Variants in STAG1 observed in about 807,000 individuals in gnomAD.
STAG1 encodes STAG1 cohesin complex component.
Under a neutral mutation model 170.9 loss-of-function variants are expected in STAG1, and 26 were observed. That is an observed-to-expected ratio of 0.15 (90% CI 0.11 to 0.21). The LOEUF is 0.21. Among genes scored for constraint, STAG1 ranks in the 10% least tolerant of loss-of-function variants. STAG1 has a pLI of 1.00. For missense variants in STAG1, 964 were observed against 1,509.5 expected, an observed-to-expected ratio of 0.64 and a Z score of 5.99; for synonymous variants, 514 against 497.7, an observed-to-expected ratio of 1.03 and a Z score of -0.44.
At chr3:136,529,832 A>T (rs964373626) in intron 6 of STAG1, among the ~76,000 whole-genome samples, 39 of 152,378 alleles carry the variant, frequency 2.6e-4, no homozygotes, top group African/African-American at 8.7e-4. Context: ...AACAAATAAT[A>T]TTACAAAACA....
chr3:136,430,626 TAA>T (rs11311172), intron 16 of STAG1, among the ~76,000 whole-genome samples: 427 of 131,706 alleles, frequency 3.2e-3, no homozygotes, highest in Admixed American at 3.5e-3. Flanking sequence ...CTGAAGAGCT[TAA>T]AAAAAAAAAA....
chr3:136,581,148 G>T (rs1003946179), intron 4 of STAG1, among the ~76,000 whole-genome samples: 1 of 152,126 alleles, frequency 6.6e-6, no homozygotes, highest in East Asian at 1.9e-4. Flanking sequence ...AGCAAGCCCA[G>T]ACAAGAACAT....
chr3:136,366,829 C>A, intron 25 of STAG1, 114 bp downstream of exon 25: 1 of 757,124 alleles, frequency 1.3e-6, no homozygotes, highest in South Asian at 2.8e-5. Context: ...ATCATAAAAT[C>A]ATCCACATTA....
intron 3 of STAG1, among the ~76,000 whole-genome samples, chr3:136,622,327 A>G (rs558238175): frequency 1.4e-4 from 21 of 151,660 alleles, no homozygotes; most frequent in Admixed American, 5.3e-4. Flanking sequence ...GGTGGGGGGG[A>G]AAGAAGAAAC....
rs2089983647 is a variant in STAG1, at chr3:136,485,267, C to G, written c.903-7855G>C. ...AGTCAGGAGATCGAGAACATCCTGG[C>G]AAACATGGTGAAACACCATCTCTAC... On this transcript the variant is annotated intron_variant, in intron 9 of 33. Coordinates refer to ENST00000383202, the MANE Select transcript of STAG1 (RefSeq NM_005862.3). 3.9e-5 allele frequency among the ~76,000 whole-genome samples: 6 copies of G among 152,084 alleles called. No individual in the cohort carries two copies. In the South Asian group the frequency reaches 1.2e-3, roughly 32 times the overall value.
intron 21 of STAG1, among the ~76,000 whole-genome samples, chr3:136,402,065 T>G (rs370701036): frequency 1.3e-5 from 2 of 152,222 alleles, no homozygotes; most frequent in East Asian, 3.9e-4. Flanking sequence ...ATGTAATCAG[T>G]AAATTTATCT....
intron 4 of STAG1, among the ~76,000 whole-genome samples, chr3:136,585,507 G>A (rs1340023073): frequency 6.6e-6 from 1 of 152,060 alleles, no homozygotes; most frequent in Non-Finnish European, 1.5e-5. Flanking sequence ...CAGCCACTAA[G>A]GAGGTTGAGA....
At chr3:136,511,460 G>T (rs1331532900) in intron 7 of STAG1, among the ~76,000 whole-genome samples, 1 of 152,204 alleles carries the variant, frequency 6.6e-6, no homozygotes, top group Non-Finnish European at 1.5e-5. Flanking sequence ...GGAAGGCTTT[G>T]CAGCCATAAA....
chr3:136,470,854 A>G (rs1176350793), intron 12 of STAG1, among the ~76,000 whole-genome samples: 1 of 152,066 alleles, frequency 6.6e-6, no homozygotes. Context: ...GAAGCTGGAA[A>G]CCATCATTCT....
intron 22 of STAG1, among the ~76,000 whole-genome samples, chr3:136,393,590 C>CT (rs774648941): frequency 0.043 from 5,649 of 130,128 alleles, 197 homozygotes; most frequent in Non-Finnish European, 0.058. Flanking sequence ...TACGCTTCAT[C>CT]TTTTTTTTTT....
intron 1 of STAG1, among the ~76,000 whole-genome samples, chr3:136,713,996 C>A (rs753805509): frequency 7.9e-5 from 12 of 152,028 alleles, no homozygotes; most frequent in Non-Finnish European, 1.5e-4. Flanking sequence ...TGCACTCCAG[C>A]CTGGGCAACA....
In STAG1 at chr3:136,481,956, T is replaced by G. The variant is rs1229103679; in HGVS notation, c.903-4544A>C. Among the ~76,000 whole-genome samples the G allele has an allele frequency of 3.5e-5, 2 of 56,878 alleles. 1 individual carries two copies. The highest frequency in any genetic ancestry group is 7.6e-5 in the Non-Finnish European group (2 of 26,220). 37.3% of individuals were successfully genotyped at this position (56,878 alleles called of 152,430 possible). Reference sequence around the variant, plus strand: ...CTTTATCATTTTTTATTGCGTCTATTTGATTCTTCTCTTTTTTCTTTATTA... The same window carrying G: ...CTTTATCATTTTTTATTGCGTCTATGTGATTCTTCTCTTTTTTCTTTATTA... On this transcript the variant is annotated intron_variant, in intron 9 of 33. Transcript: ENST00000383202.
At chr3:136,630,552 G>A (rs1243760638) in intron 2 of STAG1, among the ~76,000 whole-genome samples, 1 of 152,170 alleles carries the variant, frequency 6.6e-6, no homozygotes, top group African/African-American at 2.4e-5. Context: ...AATGAGTATG[G>A]CTCTCATCCA....
intron 1 of STAG1, among the ~76,000 whole-genome samples, chr3:136,648,493 C>T (rs1328419789): frequency 4.6e-5 from 7 of 152,178 alleles, no homozygotes; most frequent in African/African-American, 1.7e-4. Context: ...GATGTAACAC[C>T]ATGACCTTGG....
At chr3:136,670,032 G>A (rs1352399581) in intron 1 of STAG1, among the ~76,000 whole-genome samples, 1 of 152,158 alleles carries the variant, frequency 6.6e-6, no homozygotes, top group African/African-American at 2.4e-5. Flanking sequence ...CCAGGACCTG[G>A]CACAGTGGCT....
In STAG1 at chr3:136,341,391, T is replaced by C. The variant is rs1935963453; in HGVS notation, c.3557+50A>G. Reference sequence around the variant, plus strand: ...AAACCCAAGTCATTTCACAAAATGATGGGCATCACATAGTTGTTATGTTCT... The same window carrying C: ...AAACCCAAGTCATTTCACAAAATGACGGGCATCACATAGTTGTTATGTTCT... On this transcript the variant is annotated intron_variant, in intron 31 of 33. Coordinates refer to ENST00000383202, the MANE Select transcript of STAG1 (RefSeq NM_005862.3). 3 of 1,187,334 alleles carry C rather than the reference T, an allele frequency of 2.5e-6. No homozygotes were observed. The African/African-American group carries it at 4.5e-5, about 18-fold the overall frequency. The allele number at this position is 1,187,334 out of a possible 1,614,324, so 73.5% of individuals were successfully genotyped here. A position where few individuals can be genotyped will look rare whatever the true frequency, so the allele number is the denominator to read the frequency against.
At chr3:136,670,955 G>A (rs765044289) in intron 1 of STAG1, among the ~76,000 whole-genome samples, 2 of 152,102 alleles carry the variant, frequency 1.3e-5, no homozygotes, top group Non-Finnish European at 2.9e-5. Flanking sequence ...CAAAAGTGAA[G>A]AGGCTCTTAA....
intron 6 of STAG1, 70 bp downstream of exon 6, chr3:136,542,049 T>G: frequency 2.6e-6 from 3 of 1,157,024 alleles, no homozygotes; most frequent in Non-Finnish European, 2.6e-6. Flanking sequence ...AAACAAAACC[T>G]GAGATAATCA....
At chr3:136,717,179 T>C (rs1943564572) in intron 1 of STAG1, among the ~76,000 whole-genome samples, 1 of 152,204 alleles carries the variant, frequency 6.6e-6, no homozygotes, top group Non-Finnish European at 1.5e-5. Context: ...CCAAAAGAAA[T>C]CTACACACAC....
Sources: allele counts gnomAD v4.1 joint callset (sites outside exome capture counted in the v4.1 genomes callset), GRCh38; gene constraint gnomAD v4.1.1; transcripts MANE v1.5; gene names NCBI Gene and HGNC (gene_info 2026-07-23, HGNC 2026-07-21).